Variants in HTR4 observed in about 807,000 individuals in gnomAD.
HTR4 encodes 5-hydroxytryptamine (serotonin) receptor 4, G protein-coupled.
Under a neutral mutation model 36.8 loss-of-function variants are expected in HTR4, and 16 were observed. The ratio of observed to expected loss-of-function variants is 0.43; its 90% CI spans 0.29 to 0.66. The LOEUF (loss-of-function observed/expected upper bound fraction) is 0.66, where lower values mean the gene tolerates loss of function less well. HTR4 is among the 30% of genes least tolerant of loss of function. HTR4 has a pLI of 0.13. For missense variants in HTR4, 438 were observed against 490.9 expected (o/e 0.89, Z 1.02); for synonymous variants, 189 against 185.1 (o/e 1.02, Z -0.17).
chr5:148,474,187 C>T (rs892049594), downstream of HTR4, among the ~76,000 whole-genome samples: 1 of 152,148 alleles, frequency 6.6e-6, no homozygotes, highest in Non-Finnish European at 1.5e-5. Context: ...GAGCCAAGGC[C>T]TTTTCACTTG....
At chr5:148,626,050 G>A (rs1251965212) in intron 2 of HTR4, among the ~76,000 whole-genome samples, 1 of 152,164 alleles carries the variant, frequency 6.6e-6, no homozygotes, top group South Asian at 2.1e-4. Flanking sequence ...ACTGGTCTGA[G>A]TCTCTCAGTC....
rs191556770 is a variant in HTR4, at chr5:148,598,829, G to A, written c.26+38160C>T. The stretch of plus-strand genomic sequence containing the variant: ...AAAATTCATGTTGAAAGAATGGCTG[G>A]TGAGCTATCTGGAGTTGTAAGACAC... On this transcript the variant is annotated intron_variant, in intron 2 of 6. Transcript: ENST00000377888. 3.8e-3 allele frequency among the ~76,000 whole-genome samples: 580 copies of A among 152,252 alleles called. 4 individuals are homozygous for A. The highest frequency in any genetic ancestry group is 6.6e-3 in the Non-Finnish European group (449 of 68,022).
At chr5:148,462,851 CAA>C in intron 5 of HTR4, among the ~76,000 whole-genome samples, 2 of 152,196 alleles carry the variant, frequency 1.3e-5, no homozygotes, top group East Asian at 3.9e-4. Context: ...AGGGCAAATA[CAA>C]CTTTTGAAAA....
chr5:148,539,914 T>A (rs997576143), intron 4 of HTR4, among the ~76,000 whole-genome samples: 1 of 152,066 alleles, frequency 6.6e-6, no homozygotes, highest in Non-Finnish European at 1.5e-5. Context: ...TAAAGACACA[T>A]GCACCCAAAT....
chr5:148,605,553 C>T (rs544087578), intron 2 of HTR4, among the ~76,000 whole-genome samples: 178 of 151,906 alleles, frequency 1.2e-3, no homozygotes, highest in Non-Finnish European at 1.9e-3. Context: ...CCACCATGCC[C>T]GGCCTCACAG....
intron 2 of HTR4, chr5:148,629,856 A>C (rs1753258892): frequency 6.6e-6 from 1 of 152,158 alleles, no homozygotes; most frequent in Non-Finnish European, 1.5e-5. Flanking sequence ...ACTTATATCA[A>C]TCAATGAGAG....
At chr5:148,551,800 T>G (rs1759707032) in intron 2 of HTR4, among the ~76,000 whole-genome samples, 1 of 152,096 alleles carries the variant, frequency 6.6e-6, no homozygotes, top group African/African-American at 2.4e-5. Flanking sequence ...GTTTATAAAT[T>G]GGGTTGGGCT....
intron 1 of HTR4, among the ~76,000 whole-genome samples, chr5:148,648,297 A>G (rs2127318462): frequency 6.6e-6 from 1 of 152,156 alleles, no homozygotes; most frequent in South Asian, 2.1e-4. Context: ...CAGGTAGAAG[A>G]TGGGATACAA....
chr5:148,520,256 C>T (rs1757951513), intron 5 of HTR4, among the ~76,000 whole-genome samples: 1 of 152,126 alleles, frequency 6.6e-6, no homozygotes, highest in African/African-American at 2.4e-5. Context: ...GAATATTAGC[C>T]ATGTTAACAA....
chr5:148,538,322 A>T (rs1443110397), intron 4 of HTR4, among the ~76,000 whole-genome samples: 1 of 152,188 alleles, frequency 6.6e-6, no homozygotes, highest in Non-Finnish European at 1.5e-5. Flanking sequence ...TACAAATGGC[A>T]CAAGACAAGA....
intron 2 of HTR4, among the ~76,000 whole-genome samples, chr5:148,585,535 G>A (rs1405258615): frequency 4.6e-5 from 7 of 152,226 alleles, no homozygotes; most frequent in Admixed American, 3.9e-4. Flanking sequence ...TAAGATTCCT[G>A]TTCTCACGGG....
intron 2 of HTR4, among the ~76,000 whole-genome samples, chr5:148,614,327 A>G (rs1328219005): frequency 6.6e-6 from 1 of 151,388 alleles, no homozygotes; most frequent in East Asian, 1.9e-4. Context: ...CTGGTACCAA[A>G]ACAGAGATAT....
At position 148,522,051 on chromosome 5, in the gene HTR4, C is replaced by A. The variant is rs552421269; in HGVS notation, c.507+1142G>T. ...GGGGTGGTTTCCCCCATACTTTTCT[C>A]GTGGTAGTGAATATGTCTCATGAGA... is the stretch of plus-strand genomic sequence containing the variant. On this transcript the variant is annotated intron_variant, in intron 5 of 6. Coordinates refer to ENST00000377888, the MANE Select transcript of HTR4 (RefSeq NM_000870.7). Among the ~76,000 whole-genome samples the A allele has an allele frequency of 2.6e-5, 4 of 152,184 alleles. No individual in the cohort carries two copies. In the East Asian group the frequency reaches 7.8e-4, roughly 29 times the overall value.
At chr5:148,515,142 G>A (rs13154725) in intron 5 of HTR4, among the ~76,000 whole-genome samples, 69,093 of 151,740 alleles carry the variant, frequency 0.46, 16,128 homozygotes, top group African/African-American at 0.56. Flanking sequence ...ATACCTGTTT[G>A]TATTAACACA....
chr5:148,630,187 A>G (rs1326794421), intron 2 of HTR4: 1 of 152,190 alleles, frequency 6.6e-6, no homozygotes, highest in Non-Finnish European at 1.5e-5. Flanking sequence ...AATATATACA[A>G]CAGTTTCCAT....
chr5:148,507,712 T>A (rs1310852795), intron 6 of HTR4, among the ~76,000 whole-genome samples: 1 of 152,092 alleles, frequency 6.6e-6, no homozygotes, highest in Non-Finnish European at 1.5e-5. Context: ...TCTTATTTAG[T>A]AAAATAGGCT....
At chr5:148,472,398 C>T (rs1361124447), downstream of HTR4, among the ~76,000 whole-genome samples, 1 of 152,190 alleles carries the variant, frequency 6.6e-6, no homozygotes, top group Non-Finnish European at 1.5e-5. Flanking sequence ...TTTCTGTTAT[C>T]TCCTGAGATA....
downstream of HTR4, among the ~76,000 whole-genome samples, chr5:148,478,331 G>A (rs1755765825): frequency 6.6e-6 from 1 of 152,168 alleles, no homozygotes; most frequent in Admixed American, 6.5e-5. Context: ...TTCTCCCAAG[G>A]GTAGGTTAGT....
chr5:148,527,068 G>T (rs1198452085), intron 4 of HTR4, among the ~76,000 whole-genome samples: 1 of 152,164 alleles, frequency 6.6e-6, no homozygotes, highest in Non-Finnish European at 1.5e-5. Flanking sequence ...AATGTTTGAG[G>T]TGATGGATAT....
Sources: allele counts gnomAD v4.1 joint callset (sites outside exome capture counted in the v4.1 genomes callset), GRCh38; gene constraint gnomAD v4.1.1; transcripts MANE v1.5; gene names NCBI Gene and HGNC (gene_info 2026-07-23, HGNC 2026-07-21).